Variants in CSMD1 observed in about 807,000 individuals in gnomAD.
CSMD1 encodes CUB and sushi domain-containing protein 1.
In CSMD1, 213 loss-of-function variants were observed where a neutral mutation model predicts 417.5. The observed-to-expected ratio is 0.51, with a 90% CI of 0.46 to 0.57. The LOEUF is 0.57. Among genes scored for constraint, CSMD1 ranks in the 20% least tolerant of loss-of-function variants. The probability of loss-of-function intolerance (pLI) is 0.00; values close to 1 mark genes in which losing one functional copy is unlikely to be tolerated. For synonymous variants in CSMD1, 2,862 were observed against 1,736.8 expected (o/e 1.65, Z -16.11); for missense variants, 6,923 against 4,529.7 (o/e 1.53, Z -15.17).
intron 1 of CSMD1, among the ~76,000 whole-genome samples, chr8:4,881,570 T>C (rs1311341550): frequency 1.3e-5 from 2 of 150,790 alleles, no homozygotes; most frequent in African/African-American, 4.9e-5. Context: ...TACGCCTCAA[T>C]ATATTTTACA....
At chr8:3,287,577 G>A (rs897177220) in intron 25 of CSMD1, among the ~76,000 whole-genome samples, 2 of 152,248 alleles carry the variant, frequency 1.3e-5, no homozygotes, top group African/African-American at 2.4e-5. Context: ...GTGAATGGGA[G>A]TTCACTCATG....
rs114029463 is a variant in CSMD1, at chr8:3,160,271, C to T, written c.5844+1888G>A. On this transcript the variant is annotated intron_variant, in intron 38 of 69. Coordinates refer to ENST00000635120, the MANE Select transcript of CSMD1 (RefSeq NM_033225.6). Reference sequence around the variant, plus strand: ...CCAGGTAACTGGGACTAAAGGAATGCGCCGCCATGCCCAGCTCATTTTTGT... The same window carrying T: ...CCAGGTAACTGGGACTAAAGGAATGTGCCGCCATGCCCAGCTCATTTTTGT... Among the ~76,000 whole-genome samples the T allele has an allele frequency of 2.7e-3, 416 of 152,186 alleles. 1 individual carries two copies. The highest frequency in any genetic ancestry group is 9.0e-3 in the African/African-American group (373 of 41,536).
At chr8:3,771,806 A>T (rs1217951625) in intron 5 of CSMD1, among the ~76,000 whole-genome samples, 1 of 152,064 alleles carries the variant, frequency 6.6e-6, no homozygotes, top group Non-Finnish European at 1.5e-5. Flanking sequence ...GGAACCCTTT[A>T]CTATGAGGCA....
chr8:4,481,644 G>A (rs767546322), intron 2 of CSMD1, among the ~76,000 whole-genome samples: 1 of 152,152 alleles, frequency 6.6e-6, no homozygotes, highest in Non-Finnish European at 1.5e-5. Context: ...AAAGCACCAA[G>A]AGGTTAAATA....
intron 3 of CSMD1, among the ~76,000 whole-genome samples, chr8:4,219,315 G>T (rs1647320): frequency 6.6e-6 from 1 of 152,226 alleles, no homozygotes. Context: ...TTCTCTCTCA[G>T]TAATTTCATT....
At chr8:4,895,274 A>C (rs1804404696) in intron 1 of CSMD1, among the ~76,000 whole-genome samples, 1 of 152,156 alleles carries the variant, frequency 6.6e-6, no homozygotes, top group Non-Finnish European at 1.5e-5. Flanking sequence ...CAGGTGTGTT[A>C]CGATTATGAA....
chr8:3,247,399 C>G (rs558816010), intron 26 of CSMD1, among the ~76,000 whole-genome samples: 1 of 152,158 alleles, frequency 6.6e-6, no homozygotes, highest in Non-Finnish European at 1.5e-5. Flanking sequence ...ATTGTGACCC[C>G]TCTGCTGACT....
chr8:3,850,753 T>A (rs1172557035), intron 5 of CSMD1, among the ~76,000 whole-genome samples: 2 of 152,046 alleles, frequency 1.3e-5, no homozygotes, highest in Non-Finnish European at 2.9e-5. Context: ...GAAATTCGCA[T>A]TTATACACAT....
intron 1 of CSMD1, among the ~76,000 whole-genome samples, chr8:4,948,960 C>G (rs1808553697): frequency 6.6e-6 from 1 of 152,088 alleles, no homozygotes; most frequent in African/African-American, 2.4e-5. Flanking sequence ...CTTTATATAG[C>G]AAGGCTGATA....
chr8:4,761,950 T>C (rs1045044368), intron 1 of CSMD1, among the ~76,000 whole-genome samples: 5 of 145,448 alleles, frequency 3.4e-5, no homozygotes, highest in Middle Eastern at 3.5e-3. Context: ...TATCTATCTA[T>C]CTATCTATCT....
rs373616656 is a variant in CSMD1 at position 4,293,803 on chromosome 8, G to C, written c.415+126150C>G. ...AAAACAAGGAACATTGAAGCAAAAT[G>C]AACATGCATTTCTAAGCCATTTTAA... On this transcript the variant is annotated intron_variant, in intron 3 of 69. Transcript: ENST00000635120. Among the ~76,000 whole-genome samples the C allele has an allele frequency of 1.2e-4, 18 of 152,300 alleles. 1 individual carries two copies. The highest frequency in any genetic ancestry group is 4.1e-4 in the African/African-American group (17 of 41,574).
At chr8:3,703,289 G>T (rs894227451) in intron 7 of CSMD1, among the ~76,000 whole-genome samples, 1 of 152,200 alleles carries the variant, frequency 6.6e-6, no homozygotes, top group Non-Finnish European at 1.5e-5. Flanking sequence ...GAAATGAATT[G>T]TGGAGGGTTG....
chr8:4,711,622 A>G (rs571663804), intron 1 of CSMD1, among the ~76,000 whole-genome samples: 1 of 152,238 alleles, frequency 6.6e-6, no homozygotes, highest in South Asian at 2.1e-4. Flanking sequence ...TAAGAGAATT[A>G]TTTTTGCAGT....
At chr8:3,750,278 A>C (rs1162036740) in intron 6 of CSMD1, among the ~76,000 whole-genome samples, 5 of 151,292 alleles carry the variant, frequency 3.3e-5, no homozygotes, top group Non-Finnish European at 7.4e-5. Context: ...GCGAAGCATA[A>C]AAATGTATGT....
intron 2 of CSMD1, among the ~76,000 whole-genome samples, chr8:4,432,321 T>C (rs777022343): frequency 5.9e-5 from 9 of 152,168 alleles, no homozygotes; most frequent in African/African-American, 1.4e-4. Context: ...GCAGCTTAAG[T>C]AACTTACTCA....
At chr8:4,532,767 C>T (rs868505151) in intron 2 of CSMD1, among the ~76,000 whole-genome samples, 1 of 148,884 alleles carries the variant, frequency 6.7e-6, no homozygotes, top group Non-Finnish European at 1.5e-5. Flanking sequence ...TTCAGTCACT[C>T]CGGAAGAGAA....
chr8:4,345,830 G>A (rs896616634), intron 3 of CSMD1, among the ~76,000 whole-genome samples: 6 of 152,126 alleles, frequency 3.9e-5, no homozygotes, highest in Admixed American at 3.9e-4. Flanking sequence ...GTCATCCCGA[G>A]CAGCGACCTA....
intron 1 of CSMD1, among the ~76,000 whole-genome samples, chr8:4,743,916 G>A (rs898987388): frequency 2.0e-5 from 3 of 152,156 alleles, no homozygotes; most frequent in East Asian, 1.9e-4. Flanking sequence ...ATTAAAGCTA[G>A]AAGTTTATAA....
chr8:3,874,522 G>C (rs1017786999), intron 5 of CSMD1, among the ~76,000 whole-genome samples: 1 of 152,144 alleles, frequency 6.6e-6, no homozygotes, highest in Non-Finnish European at 1.5e-5. Context: ...TGCTGTCGGC[G>C]TTCATTGAAG....
Sources: gnomAD v4.1 joint callset for allele counts (sites outside exome capture counted in the v4.1 genomes callset) on GRCh38, gnomAD v4.1.1 for gene constraint, MANE v1.5 for transcripts, NCBI Gene and HGNC (gene_info 2026-07-23, HGNC 2026-07-21) for gene names.